Variants in TMEM204 observed in about 807,000 individuals in gnomAD.
TMEM204 encodes the protein transmembrane protein 204.
A neutral mutation model predicts 19.4 loss-of-function variants in TMEM204; 15 were observed. The observed-to-expected ratio is 0.77, with a 90% CI of 0.52 to 1.19. TMEM204 has a LOEUF of 1.19. Among genes scored for constraint, TMEM204 ranks in the 50% most tolerant of loss-of-function variants. The probability of loss-of-function intolerance (pLI) is 0.00; values close to 1 mark genes in which losing one functional copy is unlikely to be tolerated. For missense variants in TMEM204, 287 were observed against 321.2 expected (o/e 0.89, Z 0.81); for synonymous variants, 161 against 146.0 (o/e 1.10, Z -0.74).
In TMEM204 at chr16:1,554,997, G is replaced by C. The variant is rs750850903; in HGVS notation, c.652G>C (p.Asp218His). 2 of 1,612,954 alleles carry C rather than the reference G, an allele frequency of 1.2e-6. No homozygotes were observed. Among genetic ancestry groups the C allele is most frequent in the Non-Finnish European group, 1.7e-6 (2 of 1,179,930 alleles). The change falls in exon 3 of 3, where the codon GAC becomes CAC. Residue 218 changes from aspartate (D) to histidine (H), a missense_variant. Asp to His is a moderately conservative substitution (Grantham distance 81). Coordinates refer to ENST00000566264, the MANE Select transcript of TMEM204 (RefSeq NM_024600.6). ...GACAGCGCGCTTTCGCCGTGGGCTG[G>C]ACAATGACTACGTGGAGTCACCATG... ...SLTARFRRGL[D>H]NDYVESPC is the part of the protein sequence containing the mutation.
upstream of TMEM204, among the ~76,000 whole-genome samples, chr16:1,529,446 C>T (rs996773805): frequency 6.6e-6 from 1 of 152,218 alleles, no homozygotes; most frequent in East Asian, 1.9e-4. Flanking sequence ...GACGCTCAGT[C>T]GGCGCTGCGG....
chr16:1,536,308 C>T (rs563642465), intron 1 of TMEM204, among the ~76,000 whole-genome samples: 123 of 152,348 alleles, frequency 8.1e-4, no homozygotes, highest in African/African-American at 2.8e-3. Context: ...CCCAGGCGCC[C>T]GGCTGTCCAC....
Position 1,533,898 on chromosome 16 carries a change from C to G in TMEM204, c.-378C>G, listed in dbSNP as rs937633249. 3.4e-6 allele frequency: 1 copy of G among 294,308 alleles called. No homozygotes were observed. Among genetic ancestry groups the G allele is most frequent in the African/African-American group, 2.3e-5 (1 of 43,360 alleles). 18.2% of individuals were successfully genotyped at this position (294,308 alleles called of 1,614,324 possible). A position where few individuals can be genotyped will look rare whatever the true frequency, so the allele number is the denominator to read the frequency against. On this transcript the variant is annotated 5_prime_UTR_variant, in exon 1 of 3. Transcript: ENST00000566264. This position sits in a 1 kb window ranked among gnomAD's most constrained non-coding sequence, Gnocchi z 4.7. ...GCGCGGGCTCGACTCCCACTGCTGC[C>G]GGCCTCCCGAGTGACTCTGTTTTCC... is the stretch of plus-strand genomic sequence containing the variant.
chr16:1,551,004 C>T lies in TMEM204; in HGVS notation c.437-3778C>T, dbSNP rs1050191579. Among the ~76,000 whole-genome samples the T allele has an allele frequency of 4.6e-5, 7 of 152,198 alleles. No individual in the cohort carries two copies. The highest frequency in any genetic ancestry group is 7.3e-5 in the Non-Finnish European group (5 of 68,042). Reference sequence around the variant, plus strand: ...GAGGGCACCAGGGTAGCGGCATCTACGTGATCTGGCCAAAGGGCTCTGTCC... The same window carrying T: ...GAGGGCACCAGGGTAGCGGCATCTATGTGATCTGGCCAAAGGGCTCTGTCC... On this transcript the variant is annotated intron_variant, in intron 2 of 2. Coordinates refer to ENST00000566264, the MANE Select transcript of TMEM204 (RefSeq NM_024600.6). This position sits in a 1 kb window ranked among gnomAD's most constrained non-coding sequence, Gnocchi z 4.0.
chr16:1,535,471 C>G (rs2030970659), intron 1 of TMEM204, among the ~76,000 whole-genome samples: 1 of 152,198 alleles, frequency 6.6e-6, no homozygotes, highest in Non-Finnish European at 1.5e-5. Context: ...TGCTGCAGAG[C>G]CTCACAGACT....
chr16:1,553,762 G>T lies in TMEM204; in HGVS notation c.437-1020G>T, dbSNP rs1376357973. ...GGCTGTAGGGGATGAGGAGGGGCAG[G>T]GCCATGTGGACAGCCTCTCCTCCAT... On this transcript the variant is annotated intron_variant, in intron 2 of 2. Transcript: ENST00000566264. The surrounding 1 kb of genome is among the most constrained non-coding windows in gnomAD (Gnocchi z 4.4). 7.7e-6 allele frequency: 9 copies of T among 1,172,988 alleles called. No individual in the cohort carries two copies. Among genetic ancestry groups the T allele is most frequent in the Non-Finnish European group, 9.6e-6 (9 of 933,330 alleles). 72.7% of individuals were successfully genotyped at this position (1,172,988 alleles called of 1,614,324 possible).
At chr16:1,548,176 C>T (rs999382176) in intron 2 of TMEM204, among the ~76,000 whole-genome samples, 1 of 152,236 alleles carries the variant, frequency 6.6e-6, no homozygotes, top group Non-Finnish European at 1.5e-5. Context: ...AATGCCAGCC[C>T]CAGCAGGGAC....
At position 1,553,837 on chromosome 16, in the gene TMEM204, C is replaced by T. The variant is rs2032874992; in HGVS notation, c.437-945C>T. On this transcript the variant is annotated intron_variant, in intron 2 of 2. Coordinates refer to ENST00000566264, the MANE Select transcript of TMEM204 (RefSeq NM_024600.6). The surrounding 1 kb of genome is among the most constrained non-coding windows in gnomAD (Gnocchi z 4.4). ...ATTAGGACGCCCGGCTCCATCGCTG[C>T]GGCCACAGTGTCCTGTTATCCTAGT... 6 of 1,212,110 alleles carry T rather than the reference C, an allele frequency of 5.0e-6. No individual in the cohort carries two copies. The highest frequency in any genetic ancestry group is 3.0e-5 in the Admixed American group (1 of 33,156). 75.1% of individuals were successfully genotyped at this position (1,212,110 alleles called of 1,614,324 possible).
At chr16:1,547,876 C>T (rs11864966) in intron 2 of TMEM204, among the ~76,000 whole-genome samples, 12,194 of 152,186 alleles carry the variant, frequency 0.08, 606 homozygotes, top group African/African-American at 0.13. Flanking sequence ...GGGGTCTTGC[C>T]ACGTTGCCCA....
At chr16:1,544,034 T>C (rs2031910674) in intron 2 of TMEM204, among the ~76,000 whole-genome samples, 2 of 151,906 alleles carry the variant, frequency 1.3e-5, no homozygotes, top group Non-Finnish European at 2.9e-5. Context: ...TTTTTTTTTT[T>C]TGAGATGGAG....
At chr16:1,554,072 A>C in intron 2 of TMEM204, 3 of 1,287,080 alleles carry the variant, frequency 2.3e-6, no homozygotes, top group Non-Finnish European at 3.0e-6. Flanking sequence ...TGGAAGGAAA[A>C]TCTGCCAGGG....
Position 1,545,504 on chromosome 16 carries a change from T to C in TMEM204, c.436+3428T>C, listed in dbSNP as rs573507953. Among the ~76,000 whole-genome samples, 15 of 152,110 alleles carry C rather than the reference T, an allele frequency of 9.9e-5. No homozygotes were observed. The South Asian group carries it at 2.7e-3, about 27-fold the overall frequency. The stretch of plus-strand genomic sequence containing the variant: ...CCTTTCTTCTATCATGTTGCTAATT[T>C]TAGAGTCGGGTTTTTTTTCCTGTAC... On this transcript the variant is annotated intron_variant, in intron 2 of 2. Transcript: ENST00000566264.
At chr16:1,539,515 C>T (rs185496087) in intron 1 of TMEM204, among the ~76,000 whole-genome samples, 44 of 152,394 alleles carry the variant, frequency 2.9e-4, no homozygotes, top group African/African-American at 1.1e-3. Context: ...TGCTGCCAGG[C>T]TTTCCCGCTG....
intron 1 of TMEM204, among the ~76,000 whole-genome samples, chr16:1,540,024 C>T (rs533859892): frequency 5.3e-5 from 8 of 152,322 alleles, no homozygotes; most frequent in South Asian, 4.1e-4. Flanking sequence ...CAGGAGGGGA[C>T]GCTGTGGAGG....
upstream of TMEM204, among the ~76,000 whole-genome samples, chr16:1,530,290 A>G (rs1377912857): frequency 6.6e-6 from 1 of 151,322 alleles, no homozygotes; most frequent in African/African-American, 2.4e-5. Flanking sequence ...GCGCCACCAC[A>G]CCCAGCTAAT....
chr16:1,554,384 C>CT (rs1441511149), intron 2 of TMEM204, among the ~76,000 whole-genome samples: 1 of 152,216 alleles, frequency 6.6e-6, no homozygotes, highest in Non-Finnish European at 1.5e-5. Flanking sequence ...ACTGCTGAGT[C>CT]TGGGGGGCTA....
chr16:1,537,640 A>G (rs1180816900), intron 1 of TMEM204, among the ~76,000 whole-genome samples: 1 of 152,204 alleles, frequency 6.6e-6, no homozygotes, highest in East Asian at 1.9e-4. Flanking sequence ...GGTCCACCTC[A>G]CATGCCATGT....
chr16:1,546,410 C>T (rs181441201), intron 2 of TMEM204, among the ~76,000 whole-genome samples: 1 of 152,202 alleles, frequency 6.6e-6, no homozygotes, highest in Non-Finnish European at 1.5e-5. Flanking sequence ...GGCTCTGCCC[C>T]TGGTCAGCTG....
upstream of TMEM204, among the ~76,000 whole-genome samples, chr16:1,529,851 G>A (rs553869676): frequency 5.8e-4 from 88 of 152,320 alleles, no homozygotes; most frequent in African/African-American, 2.0e-3. Context: ...ACGCTGCTGG[G>A]CCTCATCCGT....
Sources: allele counts gnomAD v4.1 joint callset (sites outside exome capture counted in the v4.1 genomes callset), GRCh38; gene constraint gnomAD v4.1.1; non-coding constraint Gnocchi (gnomAD v3.1); transcripts MANE v1.5; gene names NCBI Gene and HGNC (gene_info 2026-07-23, HGNC 2026-07-21).